Variants in GRM8 observed in about 807,000 individuals in gnomAD.
GRM8 encodes glutamate metabotropic receptor 8.
Under a neutral mutation model 87.2 loss-of-function variants are expected in GRM8, and 47 were observed. That is an observed-to-expected ratio of 0.54 (90% CI 0.43 to 0.69). The LOEUF (loss-of-function observed/expected upper bound fraction) is 0.69, where lower values mean the gene tolerates loss of function less well. Among genes scored for constraint, GRM8 ranks in the 30% least tolerant of loss-of-function variants. The pLI, the probability that GRM8 is intolerant of heterozygous loss-of-function variation, is 0.00. For missense variants in GRM8, 1,019 were observed against 1,139.2 expected, an observed-to-expected ratio of 0.89 and a Z score of 1.52; for synonymous variants, 396 against 404.5, an observed-to-expected ratio of 0.98 and a Z score of 0.25.
chr7:126,462,321 A>T (rs991935751), intron 9 of GRM8, among the ~76,000 whole-genome samples: 3 of 151,672 alleles, frequency 2.0e-5, no homozygotes, highest in East Asian at 1.9e-4. Flanking sequence ...GGTGTTAAAA[A>T]TTTTAATTAA....
At chr7:126,936,177 C>A (rs1017922112) in intron 3 of GRM8, among the ~76,000 whole-genome samples, 1 of 152,178 alleles carries the variant, frequency 6.6e-6, no homozygotes, top group Non-Finnish European at 1.5e-5. Context: ...CTGAAAGGAA[C>A]TCAGAAAATG....
At chr7:126,760,682 T>C (rs1158383760) in intron 7 of GRM8, among the ~76,000 whole-genome samples, 1 of 152,172 alleles carries the variant, frequency 6.6e-6, no homozygotes, top group African/African-American at 2.4e-5. Context: ...CTTCAAGAAT[T>C]ACATATTTCC....
intron 3 of GRM8, among the ~76,000 whole-genome samples, chr7:126,995,310 C>T (rs4484629): frequency 6.6e-6 from 1 of 152,120 alleles, no homozygotes; most frequent in Non-Finnish European, 1.5e-5. Flanking sequence ...AGACAAACAT[C>T]CAGAAGTATC....
At chr7:126,827,130 A>T (rs539368156) in intron 6 of GRM8, among the ~76,000 whole-genome samples, 77 of 152,280 alleles carry the variant, frequency 5.1e-4, no homozygotes, top group African/African-American at 1.8e-3. Context: ...CTTGTAGTAT[A>T]GTTTGAAGTC....
At chr7:126,700,009 A>T (rs1809763520) in intron 7 of GRM8, among the ~76,000 whole-genome samples, 1 of 152,190 alleles carries the variant, frequency 6.6e-6, no homozygotes, top group Admixed American at 6.5e-5. Flanking sequence ...GGAGGATGTT[A>T]ACTGATATTG....
chr7:126,533,401 A>C lies in GRM8; in HGVS notation c.1981T>G (p.Phe661Val), dbSNP rs1348008530. The part of the protein sequence containing the change: ...RRVFLGLGMC[F>V]SYAALLTKTN... ...TTGGTCAGAAGGGCTGCATAGCTGA[A>C]ACACATGCCAAGTCCTAGGAAGACC... The change falls in exon 9 of 11, where the codon TTC becomes GTC. Residue 661 changes from phenylalanine to valine, a missense_variant. Phe to Val is a conservative substitution (Grantham distance 50, BLOSUM62 -1). Transcript: ENST00000339582. 1.2e-6 allele frequency: 2 copies of C among 1,613,914 alleles called. No homozygotes were observed. Among genetic ancestry groups the C allele is most frequent in the Non-Finnish European group, 1.7e-6 (2 of 1,179,972 alleles).
At chr7:126,935,845 C>T (rs1052760055) in intron 3 of GRM8, among the ~76,000 whole-genome samples, 1 of 152,184 alleles carries the variant, frequency 6.6e-6, no homozygotes, top group African/African-American at 2.4e-5. Context: ...CTGTGTTTTC[C>T]TCCTCCTCTC....
At position 126,504,830 on chromosome 7, in the gene GRM8, G is replaced by A. The variant is rs141401820; in HGVS notation, c.2430+28122C>T. Among the ~76,000 whole-genome samples the A allele has an allele frequency of 5.6e-3, 857 of 151,998 alleles. 7 individuals are homozygous for A. The highest frequency in any genetic ancestry group is 0.02 in the African/African-American group (810 of 41,476). The stretch of plus-strand genomic sequence containing the variant: ...TGTTTACACAGGATAATCATGATTG[G>A]GTGCCCCAAATTTTACAACAGTGCT... On this transcript the variant is annotated intron_variant, in intron 9 of 10. Coordinates refer to ENST00000339582, the MANE Select transcript of GRM8 (RefSeq NM_000845.3).
chr7:127,073,789 C>T (rs1469709039), intron 3 of GRM8, among the ~76,000 whole-genome samples: 1 of 152,142 alleles, frequency 6.6e-6, no homozygotes, highest in Non-Finnish European at 1.5e-5. Flanking sequence ...CTCTAGATTG[C>T]AACCAGCTTT....
intron 6 of GRM8, among the ~76,000 whole-genome samples, chr7:126,776,858 G>A (rs1048906194): frequency 3.9e-5 from 6 of 152,074 alleles, no homozygotes; most frequent in Non-Finnish European, 8.8e-5. Flanking sequence ...TGGATTCTAA[G>A]GCATGTTCTC....
intron 3 of GRM8, among the ~76,000 whole-genome samples, chr7:127,023,587 T>C (rs953667856): frequency 3.3e-5 from 5 of 152,116 alleles, no homozygotes; most frequent in African/African-American, 1.2e-4. Context: ...CCTAAAACCA[T>C]GATTATTTCT....
rs186244508 is a variant in GRM8, at chr7:126,897,108, G to A, written c.1156+5434C>T. ...AACTGTATTTACTGGATCAGTCAAG[G>A]GATGTCGTTTTGATAAGCACAGAGC... On this transcript the variant is annotated intron_variant, in intron 6 of 10. Coordinates refer to ENST00000339582, the MANE Select transcript of GRM8 (RefSeq NM_000845.3). 3.8e-4 allele frequency among the ~76,000 whole-genome samples: 58 copies of A among 152,258 alleles called. 2 individuals carry two copies. The highest frequency in any genetic ancestry group is 3.1e-3 in the Admixed American group (48 of 15,274).
intron 6 of GRM8, among the ~76,000 whole-genome samples, chr7:126,876,274 C>A (rs985652925): frequency 6.6e-6 from 1 of 152,092 alleles, no homozygotes; most frequent in Admixed American, 6.6e-5. Context: ...ATGGAAAAAA[C>A]GCTCCATTGG....
Position 126,961,687 on chromosome 7 carries a change from G to A in GRM8, c.728-57004C>T, listed in dbSNP as rs186241247. On this transcript the variant is annotated intron_variant, in intron 3 of 10. Coordinates refer to ENST00000339582, the MANE Select transcript of GRM8 (RefSeq NM_000845.3). ...TGTTCTGTTTTCATACTATCTCTCCGGCAGCATATGAGTAGAGGCCCAGGA... is the reference window on the plus strand; with the variant it reads ...TGTTCTGTTTTCATACTATCTCTCCAGCAGCATATGAGTAGAGGCCCAGGA... 1.6e-4 allele frequency among the ~76,000 whole-genome samples: 24 copies of A among 152,278 alleles called. No individual in the cohort carries two copies. In the South Asian group the frequency reaches 3.3e-3, roughly 21 times the overall value.
chr7:127,032,693 A>G (rs1563433921), intron 3 of GRM8, among the ~76,000 whole-genome samples: 2 of 152,150 alleles, frequency 1.3e-5, no homozygotes, highest in African/African-American at 4.8e-5. Flanking sequence ...AAAAGACCAC[A>G]TAGCCCTCAA....
chr7:126,861,982 G>T (rs1326775625), intron 6 of GRM8, among the ~76,000 whole-genome samples: 1 of 151,278 alleles, frequency 6.6e-6, no homozygotes, highest in Non-Finnish European at 1.5e-5. Flanking sequence ...TGTTTTGTTT[G>T]GGTTTTGTTT....
intron 7 of GRM8, among the ~76,000 whole-genome samples, chr7:126,736,244 TCTCA>T (rs1359205690): frequency 1.3e-5 from 2 of 152,112 alleles, no homozygotes; most frequent in Non-Finnish European, 2.9e-5. Context: ...TACGGTCTCT[TCTCA>T]CTAATTGGAA....
chr7:126,680,040 G>A (rs370592090), intron 7 of GRM8, among the ~76,000 whole-genome samples: 18 of 146,330 alleles, frequency 1.2e-4, no homozygotes, highest in Non-Finnish European at 1.0e-4. Context: ...CTCCATCTCA[G>A]AAAAAAAAAA....
intron 6 of GRM8, among the ~76,000 whole-genome samples, chr7:126,812,630 T>C (rs73720798): frequency 0.025 from 3,822 of 152,072 alleles, 168 homozygotes; most frequent in African/African-American, 0.088. Flanking sequence ...AAGTTGAGTG[T>C]ACTTGAATTT....
Sources: gnomAD v4.1 joint callset for allele counts (sites outside exome capture counted in the v4.1 genomes callset) on GRCh38, gnomAD v4.1.1 for gene constraint, MANE v1.5 for transcripts, NCBI Gene and HGNC (gene_info 2026-07-23, HGNC 2026-07-21) for gene names.